UGT1A10: variants seen among roughly 807,000 people sequenced by gnomAD.
UGT1A10 encodes UDP-glucuronosyltransferase 1A10.
UGT1A10 carries 49 observed loss-of-function variants against 45.8 expected under a neutral mutation model. The ratio of observed to expected loss-of-function variants is 1.07; its 90% confidence interval spans 0.85 to 1.36. UGT1A10 has a LOEUF of 1.36. Ranked by LOEUF, UGT1A10 falls within the 40% of genes most tolerant of loss-of-function variation. UGT1A10 has a pLI of 0.00. For synonymous variants in UGT1A10, 284 were observed against 249.7 expected (o/e 1.14, Z -1.29); for missense variants, 745 against 668.6 (o/e 1.11, Z -1.26).
intron 1 of UGT1A10, among the ~76,000 whole-genome samples, chr2:233,736,722 G>A (rs149071654): frequency 0.034 from 5,130 of 151,780 alleles, 99 homozygotes; most frequent in African/African-American, 0.051. Flanking sequence ...CCTTTTTGTT[G>A]ATGTTTATGC....
At chr2:233,722,496 C>T (rs1266204895) in intron 1 of UGT1A10, among the ~76,000 whole-genome samples, 2 of 152,048 alleles carry the variant, frequency 1.3e-5, no homozygotes, top group African/African-American at 4.8e-5. Context: ...TTTCATTTTC[C>T]GTTTCGTTAA....
At chr2:233,701,168 C>T (rs984714879) in intron 1 of UGT1A10, among the ~76,000 whole-genome samples, 4 of 152,038 alleles carry the variant, frequency 2.6e-5, no homozygotes, top group Non-Finnish European at 4.4e-5. Flanking sequence ...TGAATAGTGC[C>T]GTTATAAACA....
At chr2:233,718,914 T>C (rs373069908) in intron 1 of UGT1A10, 68 of 1,613,948 alleles carry the variant, frequency 4.2e-5, no homozygotes, top group Admixed American at 6.7e-5. Context: ...TGGAAAGGTG[T>C]TGGTGGTGCC....
intron 1 of UGT1A10, among the ~76,000 whole-genome samples, chr2:233,756,648 T>A (rs1349644658): frequency 6.6e-6 from 1 of 152,160 alleles, no homozygotes; most frequent in East Asian, 1.9e-4. Flanking sequence ...GGGATAAACA[T>A]GGGATGCAGT....
chr2:233,747,565 A>G, intron 1 of UGT1A10: 1 of 1,593,778 alleles, frequency 6.3e-7, no homozygotes, highest in Non-Finnish European at 8.6e-7. Flanking sequence ...GCAATTTTGA[A>G]AAATTCATCT....
At chr2:233,717,004 T>C (rs549183573) in intron 1 of UGT1A10, among the ~76,000 whole-genome samples, 2 of 152,292 alleles carry the variant, frequency 1.3e-5, no homozygotes, top group East Asian at 1.9e-4. Context: ...AGGGCCCCTA[T>C]GTCTCTGAAG....
chr2:233,772,626 A>T lies in UGT1A10; in HGVS notation c.*67A>T. On this transcript the variant is annotated 3_prime_UTR_variant, in exon 5 of 5. Coordinates refer to ENST00000344644, the MANE Select transcript of UGT1A10 (RefSeq NM_019075.4). ...AGTCATTTCCAAACTTGAAAACAGA[A>T]TCAGTGTTAAATTCATTTTATTCTT... The T allele has an allele frequency of 3.8e-6, 6 of 1,561,972 alleles. No homozygotes were observed. Among genetic ancestry groups the T allele is most frequent in the Non-Finnish European group, 5.2e-6 (6 of 1,152,668 alleles).
chr2:233,770,554 A>G (rs1700106811), intron 4 of UGT1A10: 1 of 152,026 alleles, frequency 6.6e-6, no homozygotes, highest in Non-Finnish European at 1.5e-5. Flanking sequence ...GCTATTTGGG[A>G]GGCTGAGGCA....
intron 1 of UGT1A10, chr2:233,747,252 C>T (rs766084078): frequency 6.9e-6 from 11 of 1,600,814 alleles, no homozygotes; most frequent in Non-Finnish European, 9.4e-6. Context: ...TGTGGCTGGC[C>T]ACAGGAGTGC....
intron 1 of UGT1A10, among the ~76,000 whole-genome samples, chr2:233,643,960 C>T (rs2073530670): frequency 6.6e-6 from 1 of 152,176 alleles, no homozygotes; most frequent in Admixed American, 6.6e-5. Flanking sequence ...CCTCTCCTCT[C>T]CTCAAGTAGA....
intron 1 of UGT1A10, among the ~76,000 whole-genome samples, chr2:233,702,741 C>T (rs1443412065): frequency 2.0e-5 from 3 of 152,054 alleles, no homozygotes; most frequent in Non-Finnish European, 4.4e-5. Flanking sequence ...TCTTTTTGGT[C>T]CCCTATTCTA....
At chr2:233,648,986 T>C (rs1575400365) in intron 1 of UGT1A10, 16 of 1,426,058 alleles carry the variant, frequency 1.1e-5, no homozygotes, top group Non-Finnish European at 1.4e-5. Flanking sequence ...ATGATCTTCA[T>C]TGGTGGTATC....
intron 1 of UGT1A10, among the ~76,000 whole-genome samples, chr2:233,718,521 C>T (rs879860533): frequency 7.2e-5 from 11 of 152,180 alleles, no homozygotes; most frequent in Non-Finnish European, 1.5e-4. Flanking sequence ...AATGGGTGTC[C>T]ACAGCCTTGT....
intron 1 of UGT1A10, chr2:233,742,090 C>T (rs539350164): frequency 2.6e-5 from 4 of 151,950 alleles, no homozygotes; most frequent in Admixed American, 1.3e-4. Flanking sequence ...TTTTACATTT[C>T]CAGGACCCAC....
chr2:233,745,071 G>C (rs981811501), intron 1 of UGT1A10, among the ~76,000 whole-genome samples: 2 of 151,782 alleles, frequency 1.3e-5, no homozygotes. Flanking sequence ...TATTTGTATT[G>C]TTTTTTCATT....
chr2:233,720,908 G>A (rs900265154), intron 1 of UGT1A10, among the ~76,000 whole-genome samples: 18 of 140,522 alleles, frequency 1.3e-4, no homozygotes, highest in African/African-American at 3.0e-4. Context: ...ATGAGGTTTC[G>A]CAATGTTAGC....
At chr2:233,754,805 AG>A (rs755746097) in intron 1 of UGT1A10, 241 of 1,294,792 alleles carry the variant, frequency 1.9e-4, no homozygotes, top group Non-Finnish European at 2.3e-4. Context: ...TATCAAAAGA[AG>A]AAAAACCACC....
chr2:233,726,527 G>A (rs2125719925), intron 1 of UGT1A10, among the ~76,000 whole-genome samples: 1 of 152,108 alleles, frequency 6.6e-6, no homozygotes, highest in South Asian at 2.1e-4. Context: ...TCCACTTTTA[G>A]GGAGATGCAG....
chr2:233,655,742 T>C (rs1442752547), intron 1 of UGT1A10, among the ~76,000 whole-genome samples: 2 of 152,186 alleles, frequency 1.3e-5, no homozygotes, highest in African/African-American at 2.4e-5. Flanking sequence ...CTCCTGTCCC[T>C]GGAGGTTCAC....
Sources: allele counts gnomAD v4.1 joint callset (sites outside exome capture counted in the v4.1 genomes callset), GRCh38; gene constraint gnomAD v4.1.1; transcripts MANE v1.5; gene names NCBI Gene and HGNC (gene_info 2026-07-23, HGNC 2026-07-21).